SCN9A: variants seen among roughly 807,000 people sequenced by gnomAD.
SCN9A encodes the protein sodium voltage-gated channel alpha subunit 9.
SCN9A carries 131 observed loss-of-function variants against 187.0 expected under a neutral mutation model. The ratio of observed to expected loss-of-function variants is 0.70; its 90% confidence interval spans 0.61 to 0.81. SCN9A has a LOEUF of 0.81. Among genes scored for constraint, SCN9A ranks in the 30% least tolerant of loss-of-function variants. The probability of loss-of-function intolerance (pLI) is 0.00; values close to 1 mark genes in which losing one functional copy is unlikely to be tolerated. For missense variants in SCN9A, 2,252 were observed against 2,396.6 expected (o/e 0.94, Z 1.26); for synonymous variants, 809 against 808.6 (o/e 1.00, Z -0.01).
chr2:166,245,169 T>G (rs1293175004), intron 18 of SCN9A, among the ~76,000 whole-genome samples: 1 of 151,998 alleles, frequency 6.6e-6, no homozygotes, highest in Non-Finnish European at 1.5e-5. Context: ...AAAAATAGGT[T>G]GCCTATACAT....
chr2:166,219,340 G>T (rs1694480431), intron 24 of SCN9A, among the ~76,000 whole-genome samples: 1 of 152,088 alleles, frequency 6.6e-6, no homozygotes, highest in African/African-American at 2.4e-5. Context: ...GTGATAGACT[G>T]GATAAAGATA....
chr2:166,365,493 G>A (rs572377516), intron 1 of SCN9A, among the ~76,000 whole-genome samples: 8 of 152,180 alleles, frequency 5.3e-5, no homozygotes, highest in African/African-American at 1.4e-4. Flanking sequence ...CGCAGCCCTC[G>A]ACGCAGGTTA....
chr2:166,352,574 TTGCTTTTCGTATA>T (rs1237819958), intron 1 of SCN9A, among the ~76,000 whole-genome samples: 3 of 152,212 alleles, frequency 2.0e-5, no homozygotes, highest in Non-Finnish European at 4.4e-5. Flanking sequence ...AAAGTACATC[TTGCTTTTCGTATA>T]TGCACCTTCA....
At chr2:166,252,038 G>T in intron 17 of SCN9A, 153 bp from the exon 18 acceptor site, 1 of 745,074 alleles carries the variant, frequency 1.3e-6, no homozygotes, top group South Asian at 1.9e-5. Flanking sequence ...CACATATTGA[G>T]GTCAAGTAAC....
chr2:166,244,183 C>G (rs978235226), intron 18 of SCN9A, among the ~76,000 whole-genome samples: 2 of 151,842 alleles, frequency 1.3e-5, no homozygotes, highest in Admixed American at 6.6e-5. Context: ...GGGGTGGGAA[C>G]CTGAAACGGG....
At position 166,199,791 on chromosome 2, in the gene SCN9A, C is replaced by A; in HGVS notation, c.4848G>T (p.Arg1616Ser). The A allele has an allele frequency of 6.2e-7, 1 of 1,613,912 alleles. No homozygotes were observed. The highest frequency in any genetic ancestry group is 8.5e-7 in the Non-Finnish European group (1 of 1,179,990). ...TGACTAGACGTAGGATTCGGCCAAT[C>A]CTGGCAAGACGGATCACTCGGAACA... ...PTLFRVIRLARIGRILRLVKG... is the reference protein window; with the variant it reads ...PTLFRVIRLASIGRILRLVKG... Residue 1616 changes from arginine (R) to serine (S), a missense_variant, in exon 27 of 27, where the codon AGG (arginine) becomes AGT (serine). By Grantham distance (110) the Arg-to-Ser change is moderately radical. Around this residue, in one of 7 missense-constraint regions of SCN9A, gnomAD observed 84 missense variants for 134.2 expected, o/e 0.63. Transcript: ENST00000642356.
intron 1 of SCN9A, among the ~76,000 whole-genome samples, chr2:166,356,050 C>A (rs1018254177): frequency 6.6e-6 from 1 of 152,104 alleles, no homozygotes; most frequent in Admixed American, 6.6e-5. Flanking sequence ...GGATTACAGG[C>A]GTGAGCCACT....
At chr2:166,374,765 C>T (rs1332793472) in intron 1 of SCN9A, among the ~76,000 whole-genome samples, 3 of 151,974 alleles carry the variant, frequency 2.0e-5, no homozygotes, top group Non-Finnish European at 4.4e-5. Context: ...ACACTGACTT[C>T]CTATTCAGTA....
intron 24 of SCN9A, among the ~76,000 whole-genome samples, chr2:166,216,581 C>T (rs1488710418): frequency 6.6e-6 from 1 of 151,930 alleles, no homozygotes; most frequent in Admixed American, 6.6e-5. Context: ...CATTTCTATA[C>T]ATTAACAATG....
At position 166,197,428 on chromosome 2, in the gene SCN9A, T is replaced by G. The variant is rs201140963; in HGVS notation, c.*1244A>C. 2 of 152,136 alleles carry G rather than the reference T, an allele frequency of 1.3e-5. No individual in the cohort carries two copies. The highest frequency in any genetic ancestry group is 4.8e-5 in the African/African-American group (2 of 41,452). The allele number at this position is 152,136 out of a possible 1,614,324, so 9.4% of individuals were successfully genotyped here. On this transcript the variant is annotated 3_prime_UTR_variant, in exon 27 of 27. Transcript: ENST00000642356. The stretch of plus-strand genomic sequence containing the variant: ...AGAAGGTGACATCTTCCTCATTGTA[T>G]ACATTGAAGTATATCCAAAAAAGAT...
intron 1 of SCN9A, among the ~76,000 whole-genome samples, chr2:166,355,104 A>AT (rs34038642): frequency 3.0e-4 from 45 of 147,988 alleles, no homozygotes; most frequent in Admixed American, 3.4e-4. Context: ...TGTCTGGCTA[A>AT]TTTTTTTTTT....
intron 1 of SCN9A, among the ~76,000 whole-genome samples, chr2:166,370,379 T>C (rs907842058): frequency 2.0e-5 from 3 of 150,936 alleles, no homozygotes; most frequent in African/African-American, 7.3e-5. Flanking sequence ...CCGTCTCTAC[T>C]AAAAATACAA....
intron 24 of SCN9A, among the ~76,000 whole-genome samples, chr2:166,217,989 G>T (rs1286323007): frequency 6.6e-6 from 1 of 151,880 alleles, no homozygotes; most frequent in Non-Finnish European, 1.5e-5. Flanking sequence ...AAATGTAATT[G>T]CAGTTTTTAC....
intron 1 of SCN9A, among the ~76,000 whole-genome samples, chr2:166,342,453 T>C (rs1699808554): frequency 6.6e-6 from 1 of 152,206 alleles, no homozygotes; most frequent in Admixed American, 6.5e-5. Context: ...TCCATCCTTA[T>C]AATTAAGTGT....
At chr2:166,283,271 A>T (rs1311021498) in intron 12 of SCN9A, among the ~76,000 whole-genome samples, 1 of 152,218 alleles carries the variant, frequency 6.6e-6, no homozygotes, top group Non-Finnish European at 1.5e-5. Flanking sequence ...AATACCTTGC[A>T]GAAGGGCTTA....
intron 1 of SCN9A, among the ~76,000 whole-genome samples, chr2:166,338,741 T>C (rs2105276779): frequency 6.6e-6 from 1 of 152,300 alleles, no homozygotes; most frequent in Non-Finnish European, 1.5e-5. Context: ...TTTCTTTTCT[T>C]TCGTGACCTG....
At chr2:166,323,621 T>A (rs1356850804) in intron 1 of SCN9A, among the ~76,000 whole-genome samples, 1 of 152,098 alleles carries the variant, frequency 6.6e-6, no homozygotes, top group Non-Finnish European at 1.5e-5. Flanking sequence ...GTGGCCTCTA[T>A]TACCTTCTTG....
intron 7 of SCN9A, chr2:166,295,913 G>A (rs1025558269): frequency 3.3e-5 from 5 of 152,152 alleles, no homozygotes; most frequent in South Asian, 2.1e-4. Context: ...TCCTAAGACT[G>A]GGGGCAGATC....
At chr2:166,199,909 A>G in intron 26 of SCN9A, 45 bp from the exon 27 acceptor site, 2 of 1,423,078 alleles carry the variant, frequency 1.4e-6, no homozygotes, top group Non-Finnish European at 1.9e-6. Context: ...TTAAAGATGT[A>G]TGCTACCTGA....
Sources: gnomAD v4.1 joint callset for allele counts (sites outside exome capture counted in the v4.1 genomes callset) on GRCh38, gnomAD v4.1.1 for gene constraint, gnomAD v4.1.1 regional missense constraint, MANE v1.5 for transcripts, NCBI Gene and HGNC (gene_info 2026-07-23, HGNC 2026-07-21) for gene names.